Variants in RPA1 observed in about 807,000 individuals in gnomAD.
RPA1 encodes replication protein A1.
In RPA1, 49 loss-of-function variants were observed where a neutral mutation model predicts 83.0. That is an observed-to-expected ratio of 0.59 (90% CI 0.47 to 0.75). RPA1 has a LOEUF of 0.75. Among genes scored for constraint, RPA1 ranks in the 30% least tolerant of loss-of-function variants. The pLI, the probability that RPA1 is intolerant of heterozygous loss-of-function variation, is 0.00. For missense variants in RPA1, 693 were observed against 776.1 expected (o/e 0.89, Z 1.27); for synonymous variants, 279 against 281.8 (o/e 0.99, Z 0.10).
chr17:1,842,421 G>T (rs977443823), intron 1 of RPA1, among the ~76,000 whole-genome samples: 1 of 152,016 alleles, frequency 6.6e-6, no homozygotes, highest in African/African-American at 2.4e-5. Context: ...TGTATTTTTT[G>T]AGGGATTTAT....
At chr17:1,854,798 T>A (rs954216857) in intron 5 of RPA1, among the ~76,000 whole-genome samples, 1 of 152,188 alleles carries the variant, frequency 6.6e-6, no homozygotes, top group Non-Finnish European at 1.5e-5. Flanking sequence ...ATTTATTGAA[T>A]TTTTTTACAT....
At chr17:1,886,489 T>G (rs938600509) in intron 13 of RPA1, among the ~76,000 whole-genome samples, 5 of 152,248 alleles carry the variant, frequency 3.3e-5, no homozygotes, top group Non-Finnish European at 7.3e-5. Flanking sequence ...ATGTTCTTGA[T>G]GGCATCTTCT....
intron 5 of RPA1, among the ~76,000 whole-genome samples, chr17:1,855,872 A>G (rs1390281138): frequency 6.6e-6 from 1 of 151,808 alleles, no homozygotes; most frequent in Non-Finnish European, 1.5e-5. Flanking sequence ...TCTTTAATAG[A>G]GAGATACAGG....
At chr17:1,878,699 C>G (rs1913656657) in intron 8 of RPA1, among the ~76,000 whole-genome samples, 1 of 152,186 alleles carries the variant, frequency 6.6e-6, no homozygotes, top group South Asian at 2.1e-4. Context: ...TTAAACTCGT[C>G]ATTGCCGTTT....
At chr17:1,850,267 C>G (rs1278894555) in intron 4 of RPA1, among the ~76,000 whole-genome samples, 2 of 151,504 alleles carry the variant, frequency 1.3e-5, no homozygotes, top group Non-Finnish European at 2.9e-5. Flanking sequence ...GCTGGTGGCT[C>G]ACGCCTGTAA....
chr17:1,836,613 A>G (rs1424471250), intron 1 of RPA1, among the ~76,000 whole-genome samples: 1 of 151,084 alleles, frequency 6.6e-6, no homozygotes, highest in Admixed American at 6.6e-5. Flanking sequence ...CTAAGACTTC[A>G]TATAAATGGA....
At chr17:1,861,220 T>C (rs1912950203) in intron 5 of RPA1, among the ~76,000 whole-genome samples, 1 of 152,174 alleles carries the variant, frequency 6.6e-6, no homozygotes, top group Non-Finnish European at 1.5e-5. Flanking sequence ...TCTTCTCTGC[T>C]ACTCTGTCCG....
intron 4 of RPA1, among the ~76,000 whole-genome samples, chr17:1,848,436 AC>A (rs1307084908): frequency 6.6e-6 from 1 of 151,604 alleles, no homozygotes; most frequent in African/African-American, 2.4e-5. Context: ...ACATGGTGAA[AC>A]CCGTCTCTAC....
At chr17:1,858,796 G>A (rs1451212013) in intron 5 of RPA1, among the ~76,000 whole-genome samples, 1 of 151,818 alleles carries the variant, frequency 6.6e-6, no homozygotes, top group Non-Finnish European at 1.5e-5. Flanking sequence ...TCTTGTTCTT[G>A]ATATCTAATT....
chr17:1,842,192 A>G (rs1912075642), intron 1 of RPA1, among the ~76,000 whole-genome samples: 1 of 151,844 alleles, frequency 6.6e-6, no homozygotes. Context: ...TAAACCTAAC[A>G]TCATAAAATG....
At chr17:1,878,196 C>G (rs925560145) in intron 8 of RPA1, among the ~76,000 whole-genome samples, 4 of 152,210 alleles carry the variant, frequency 2.6e-5, no homozygotes, top group Admixed American at 6.5e-5. Flanking sequence ...GATTGCACCA[C>G]TGCACTCCAG....
At chr17:1,852,572 G>T (rs536169624) in intron 4 of RPA1, among the ~76,000 whole-genome samples, 8 of 152,348 alleles carry the variant, frequency 5.3e-5, no homozygotes, top group South Asian at 2.1e-4. Flanking sequence ...CGGCACGGGA[G>T]GGGGGTTAGC....
chr17:1,865,829 C>T (rs1469351141), intron 5 of RPA1, among the ~76,000 whole-genome samples: 1 of 152,172 alleles, frequency 6.6e-6, no homozygotes, highest in Non-Finnish European at 1.5e-5. Context: ...GAGATGAGAC[C>T]TCACTATGCT....
chr17:1,856,813 A>G (rs564578208), intron 5 of RPA1, among the ~76,000 whole-genome samples: 64 of 151,468 alleles, frequency 4.2e-4, no homozygotes, highest in African/African-American at 1.4e-3. Context: ...ATTATAGCAT[A>G]TATATATATT....
At chr17:1,841,895 T>A (rs1372423711) in intron 1 of RPA1, among the ~76,000 whole-genome samples, 1 of 152,200 alleles carries the variant, frequency 6.6e-6, no homozygotes, top group African/African-American at 2.4e-5. Flanking sequence ...TCTTTGAATG[T>A]GACAAATTAC....
intron 16 of RPA1, among the ~76,000 whole-genome samples, chr17:1,895,679 T>G (rs1914389318): frequency 6.8e-6 from 1 of 147,396 alleles, no homozygotes; most frequent in African/African-American, 2.5e-5. Flanking sequence ...ATTTATTTAT[T>G]TATTTATTTA....
At chr17:1,859,003 A>G (rs897686885) in intron 5 of RPA1, among the ~76,000 whole-genome samples, 1 of 151,460 alleles carries the variant, frequency 6.6e-6, no homozygotes, top group African/African-American at 2.4e-5. Flanking sequence ...CCCAGGTTCA[A>G]GCGATTCTCC....
At chr17:1,890,674 A>T (rs1262533836) in intron 14 of RPA1, among the ~76,000 whole-genome samples, 3 of 152,126 alleles carry the variant, frequency 2.0e-5, no homozygotes, top group East Asian at 3.8e-4. Flanking sequence ...ATAAATAAAT[A>T]AATTAAATTA....
intron 14 of RPA1, 51 bp from the exon 15 acceptor site, chr17:1,891,782 G>A: frequency 8.2e-7 from 1 of 1,212,536 alleles, no homozygotes. Flanking sequence ...TCTTCTCAGT[G>A]TGTCTTTTTA....
Sources: gnomAD v4.1 joint callset for allele counts (sites outside exome capture counted in the v4.1 genomes callset) on GRCh38, gnomAD v4.1.1 for gene constraint, MANE v1.5 for transcripts, NCBI Gene and HGNC (gene_info 2026-07-23, HGNC 2026-07-21) for gene names.